The following EXPH5 variants were observed in gnomAD, a reference collection of about 807,000 sequenced individuals.
EXPH5 encodes the protein exophilin 5.
Under a neutral mutation model 41.1 loss-of-function variants are expected in EXPH5, and 42 were observed. The ratio of observed to expected loss-of-function variants is 1.02; its 90% CI spans 0.80 to 1.32. The LOEUF (loss-of-function observed/expected upper bound fraction) is 1.32, where lower values mean the gene tolerates loss of function less well. EXPH5 is among the 40% of genes most tolerant of loss of function. The pLI is 0.00. For synonymous variants in EXPH5, 798 were observed against 833.5 expected, an observed-to-expected ratio of 0.96 and a Z score of 0.73; for missense variants, 2,298 against 2,314.5, an observed-to-expected ratio of 0.99 and a Z score of 0.15.
upstream of EXPH5, among the ~76,000 whole-genome samples, chr11:108,594,751 A>T (rs1189996220): frequency 2.0e-5 from 3 of 152,208 alleles, no homozygotes; most frequent in African/African-American, 7.2e-5. Context: ...GTACTTCTAC[A>T]TATATCATTT....
chr11:108,556,138 A>G (rs2093988704), intron 1 of EXPH5, among the ~76,000 whole-genome samples: 1 of 152,254 alleles, frequency 6.6e-6, no homozygotes, highest in Non-Finnish European at 1.5e-5. Flanking sequence ...TAGCTTGAGC[A>G]GGAACAATAA....
the EXPH5 span, among the ~76,000 whole-genome samples, chr11:108,606,681 T>C: frequency 6.6e-6 from 1 of 152,158 alleles, no homozygotes; most frequent in Non-Finnish European, 1.5e-5. Context: ...CTTCCCCTTA[T>C]GATTCACCCC....
At chr11:108,547,112 A>G (rs761635878) in intron 1 of EXPH5, among the ~76,000 whole-genome samples, 1 of 151,870 alleles carries the variant, frequency 6.6e-6, no homozygotes, top group African/African-American at 2.4e-5. Flanking sequence ...TGCATTTTCT[A>G]TTTTTACAGT....
chr11:108,535,396 C>T (rs999806664), intron 3 of EXPH5, among the ~76,000 whole-genome samples: 2 of 152,142 alleles, frequency 1.3e-5, no homozygotes, highest in Non-Finnish European at 2.9e-5. Context: ...TATCTGTGGA[C>T]ACCATGCCTG....
At position 108,514,502 on chromosome 11, in the gene EXPH5, C is replaced by T. The variant is rs2093709435; in HGVS notation, c.1005G>A (p.Gly335=). The T allele has an allele frequency of 6.2e-7, 1 of 1,612,554 alleles. No individual in the cohort carries two copies. Among genetic ancestry groups the T allele is most frequent in the African/African-American group, 1.3e-5 (1 of 74,920 alleles). ...AATGTAAGCTTCTTGCTGTGAAATG[C>T]CCTGTGGCTGGTAAGGCCGACCGTT... ...SRQRSALPAT[G]HFTARSLHFP... is the part of the protein sequence containing the mutation. Residue 335 remains glycine, a synonymous_variant, in exon 6 of 6, where the codon GGG becomes GGA. Coordinates refer to ENST00000265843, the MANE Select transcript of EXPH5 (RefSeq NM_015065.3).
chr11:108,514,696 T>C lies in EXPH5; in HGVS notation c.811A>G (p.Ile271Val), dbSNP rs1235597923. 20 of 1,605,368 alleles carry C rather than the reference T, an allele frequency of 1.2e-5. No homozygotes were observed. The highest frequency in any genetic ancestry group is 2.7e-5 in the African/African-American group (2 of 74,474). Residue 271 changes from isoleucine (I) to valine (V), a missense_variant, in exon 6 of 6, where the codon ATC (isoleucine) becomes GTC (valine). By Grantham distance (29) the Ile-to-Val change is conservative. Transcript: ENST00000265843. Reference protein sequence around the residue: ...KHYNETSNMSIYDILRPGTPR... With the variant: ...KHYNETSNMSVYDILRPGTPR... ...GTTCCTGGTCTTAGGATGTCATAGA[T>C]AGACATATTGGAAGTTTCATTATAG...
intron 1 of EXPH5, 74 bp from the exon 2 acceptor site, chr11:108,541,886 C>A: frequency 7.9e-7 from 1 of 1,269,932 alleles, no homozygotes. Context: ...AATCAATGTA[C>A]TTTTTTTTTG....
intron 1 of EXPH5, among the ~76,000 whole-genome samples, chr11:108,571,814 AC>A (rs2094061061): frequency 6.6e-6 from 1 of 152,162 alleles, no homozygotes; most frequent in African/African-American, 2.4e-5. Flanking sequence ...TAATCCCAGC[AC>A]TTTGGGAGGC....
At chr11:108,515,940 C>T (rs1399379501) in intron 5 of EXPH5, among the ~76,000 whole-genome samples, 2 of 151,908 alleles carry the variant, frequency 1.3e-5, no homozygotes, top group African/African-American at 2.4e-5. Context: ...GGCGTGGTGG[C>T]GGGCGCCTGT....
At position 108,509,586 on chromosome 11, in the gene EXPH5, G is replaced by A; in HGVS notation, c.5921C>T (p.Thr1974Ile). 6.3e-7 allele frequency: 1 copy of A among 1,594,406 alleles called. No homozygotes were observed. Among genetic ancestry groups the A allele is most frequent in the Non-Finnish European group, 8.5e-7 (1 of 1,173,698 alleles). Residue 1974 changes from threonine to isoleucine, a missense_variant, in exon 6 of 6, where the codon ACA (threonine) becomes ATA (isoleucine). Physicochemically the swap from Thr to Ile is moderately conservative, Grantham distance 89. Transcript: ENST00000265843. ...TTCATCCAGGTAGTATTCATCATCT[G>A]TGGTTGTGTCTGTGTCACAATCTGA... ...VDSDCDTDTT[T>I]DDEYYLDEND... is the part of the protein sequence containing the mutation.
At chr11:108,540,479 C>T (rs973194833) in intron 2 of EXPH5, among the ~76,000 whole-genome samples, 5 of 151,966 alleles carry the variant, frequency 3.3e-5, no homozygotes, top group Admixed American at 1.3e-4. Flanking sequence ...AGTCTTTTTA[C>T]GTAGATATGT....
Position 108,514,400 on chromosome 11 carries a change from T to C in EXPH5, c.1107A>G (p.Ser369=), listed in dbSNP as rs1239759903. Residue 369 remains serine (S), a synonymous_variant, in exon 6 of 6, where the codon TCA becomes TCG. Coordinates refer to ENST00000265843, the MANE Select transcript of EXPH5 (RefSeq NM_015065.3). ...HQQSPKRTPL[S]SIIWNRSDSS... The stretch of plus-strand genomic sequence containing the variant: ...AATCTGATCTGTTCCATATGATGGA[T>C]GATAAAGGAGTTCTCTTTGGACTCT... 1.2e-6 allele frequency: 2 copies of C among 1,614,060 alleles called. No individual in the cohort carries two copies. Among genetic ancestry groups the C allele is most frequent in the African/African-American group, 2.7e-5 (2 of 74,934 alleles).
rs374051780 is a variant in EXPH5, at chr11:108,541,598, T to C, written c.280+54A>G. On this transcript the variant is annotated intron_variant, in intron 2 of 5. Transcript: ENST00000265843. ...AGATCCACTGGGCCATTATCTACAA[T>C]ACTATGCCACAGAAACAAAGAAATC... The C allele has an allele frequency of 1.5e-4, 196 of 1,278,262 alleles. 2 individuals are homozygous for C. In the East Asian group the frequency reaches 3.1e-3, roughly 20 times the overall value. The allele number at this position is 1,278,262 out of a possible 1,614,324, so 79.2% of individuals were successfully genotyped here. A position where few individuals can be genotyped will look rare whatever the true frequency, so the allele number is the denominator to read the frequency against.
At chr11:108,604,216 C>A in the EXPH5 span, among the ~76,000 whole-genome samples, 3 of 132,926 alleles carry the variant, frequency 2.3e-5, no homozygotes, top group Admixed American at 2.4e-4. Flanking sequence ...CATGGTGAAA[C>A]CCCATCTCTA....
In EXPH5 at chr11:108,510,103, C is replaced by T. The variant is rs541781471; in HGVS notation, c.5404G>A (p.Val1802Ile). Residue 1802 changes from valine to isoleucine, a missense_variant, in exon 6 of 6, where the codon GTT becomes ATT. Physicochemically the swap from Val to Ile is conservative, Grantham distance 29. Coordinates refer to ENST00000265843, the MANE Select transcript of EXPH5 (RefSeq NM_015065.3). ...CTTTTTCGTAGTAGATCGCCATGAA[C>T]ATTAATGCTTTTTAAACTCTTTGAA... ...YRSKSLKSINVHGDLLRKSHP... is the reference protein window; with the variant it reads ...YRSKSLKSINIHGDLLRKSHP... 341 of 1,613,442 alleles carry T rather than the reference C, an allele frequency of 2.1e-4. 2 individuals are homozygous for T. The South Asian group carries it at 3.6e-3, about 17-fold the overall frequency.
intron 1 of EXPH5, among the ~76,000 whole-genome samples, chr11:108,583,149 A>C (rs61913929): frequency 0.25 from 38,341 of 151,864 alleles, 5,320 homozygotes; most frequent in South Asian, 0.37. Context: ...TTGGGAGGCC[A>C]AGGTGAGCAG....
rs2094133897 is a variant in EXPH5, at chr11:108,593,588, G to A, written c.-52C>T. The A allele has an allele frequency of 1.2e-6, 2 of 1,613,122 alleles. No individual in the cohort carries two copies. Among genetic ancestry groups the A allele is most frequent in the Admixed American group, 1.7e-5 (1 of 59,864 alleles). On this transcript the variant is annotated 5_prime_UTR_variant, in exon 1 of 6. Coordinates refer to ENST00000265843, the MANE Select transcript of EXPH5 (RefSeq NM_015065.3). ...TAAGCTCCTTGGCGCCTCCTGTTAG[G>A]AAGGCATTTTTCAACCTGTACAAGA...
chr11:108,525,241 A>G (rs1372992282), intron 4 of EXPH5, among the ~76,000 whole-genome samples: 1 of 152,172 alleles, frequency 6.6e-6, no homozygotes, highest in Non-Finnish European at 1.5e-5. Flanking sequence ...CAGCAGCATG[A>G]AAACAAACTA....
rs527622880 is a variant in EXPH5 at position 108,593,399 on chromosome 11, A to T, written c.119+19T>A. ...GCGGGACCCAGGCCCAGGACAAAAG[A>T]AATGAATTTGCTCTGTACCTGATCC... On this transcript the variant is annotated intron_variant, in intron 1 of 5. Transcript: ENST00000265843. 186 of 1,604,632 alleles carry T rather than the reference A, an allele frequency of 1.2e-4. 2 individuals carry two copies. In the South Asian group the frequency reaches 2.0e-3, roughly 18 times the overall value.
Sources: allele counts gnomAD v4.1 joint callset (sites outside exome capture counted in the v4.1 genomes callset), GRCh38; gene constraint gnomAD v4.1.1; transcripts MANE v1.5; gene names NCBI Gene and HGNC (gene_info 2026-07-23, HGNC 2026-07-21).